The following KATNAL2 variants were observed in gnomAD, a reference collection of about 807,000 sequenced individuals.
The protein encoded by KATNAL2 is katanin p60 ATPase-containing subunit A-like 2.
KATNAL2 carries 52 observed loss-of-function variants against 76.3 expected under a neutral mutation model. That is an observed-to-expected ratio of 0.68 (90% CI 0.55 to 0.86). The LOEUF is 0.86. Ranked by LOEUF, KATNAL2 falls within the 40% of genes least tolerant of loss-of-function variation. The probability of loss-of-function intolerance (pLI) is 0.00; values close to 1 mark genes in which losing one functional copy is unlikely to be tolerated. For missense variants in KATNAL2, 660 were observed against 668.9 expected (o/e 0.99, Z 0.15); for synonymous variants, 243 against 244.2 (o/e 1.00, Z 0.05).
At chr18:47,069,360 C>A in intron 12 of KATNAL2, 77 bp downstream of exon 12, 3 of 1,390,214 alleles carry the variant, frequency 2.2e-6, no homozygotes, top group Non-Finnish European at 3.0e-6. Flanking sequence ...GTCCTCACTT[C>A]AGGACTGGGG....
chr18:47,045,524 T>C (rs1302620341), intron 3 of KATNAL2, among the ~76,000 whole-genome samples: 3 of 152,158 alleles, frequency 2.0e-5, no homozygotes, highest in Non-Finnish European at 4.4e-5. Flanking sequence ...GGTTTTCCCA[T>C]GTTGGCCAGG....
rs148801658 is a variant in KATNAL2 at position 46,952,937 on chromosome 18, G to A, written c.51+6014G>A. ...TGAGGCGGAGTCTCGCTCTGTTGCCGAGGCTGGAGTACAGTGGCACGATCT... is the reference window on the plus strand; with the variant it reads ...TGAGGCGGAGTCTCGCTCTGTTGCCAAGGCTGGAGTACAGTGGCACGATCT... On this transcript the variant is annotated intron_variant, in intron 3 of 17. Transcript: ENST00000683218. 6.8e-3 allele frequency among the ~76,000 whole-genome samples: 851 copies of A among 124,882 alleles called. 8 individuals carry two copies. Among genetic ancestry groups the A allele is most frequent in the African/African-American group, 0.024 (799 of 33,628 alleles). The allele number at this position is 124,882 out of a possible 152,430, so 81.9% of individuals were successfully genotyped here.
At chr18:46,945,318 C>T (rs1196827589) in intron 1 of KATNAL2, among the ~76,000 whole-genome samples, 3 of 152,246 alleles carry the variant, frequency 2.0e-5, no homozygotes, top group Non-Finnish European at 4.4e-5. Flanking sequence ...GCCTAAGCTT[C>T]GCCTAGGTTA....
At chr18:47,067,393 A>G (rs1185411608) in intron 11 of KATNAL2, among the ~76,000 whole-genome samples, 1 of 152,202 alleles carries the variant, frequency 6.6e-6, no homozygotes, top group Non-Finnish European at 1.5e-5. Flanking sequence ...TGTCAGATTG[A>G]TTCAAATTAG....
intron 15 of KATNAL2, among the ~76,000 whole-genome samples, chr18:47,083,033 C>T (rs1289397456): frequency 6.6e-6 from 1 of 152,156 alleles, no homozygotes; most frequent in East Asian, 1.9e-4. Flanking sequence ...GTTAATAATT[C>T]CTTCCCTGTT....
chr18:47,036,917 TG>T (rs2060797292), intron 3 of KATNAL2, among the ~76,000 whole-genome samples: 1 of 152,226 alleles, frequency 6.6e-6, no homozygotes, highest in Admixed American at 6.5e-5. Flanking sequence ...GGAAGTTTCC[TG>T]GCAGAGCCAG....
intron 3 of KATNAL2, among the ~76,000 whole-genome samples, chr18:47,039,920 G>A (rs1299680377): frequency 6.6e-6 from 1 of 152,186 alleles, no homozygotes; most frequent in Non-Finnish European, 1.5e-5. Flanking sequence ...CTAATATGGA[G>A]GGATATGGAC....
intron 13 of KATNAL2, among the ~76,000 whole-genome samples, chr18:47,074,613 A>G (rs562044579): frequency 6.6e-6 from 1 of 152,208 alleles, no homozygotes; most frequent in East Asian, 1.9e-4. Context: ...TTGTTTTTAT[A>G]TGTCTGTTCT....
intron 6 of KATNAL2, among the ~76,000 whole-genome samples, chr18:47,054,991 C>T (rs2147107873): frequency 6.6e-6 from 1 of 152,366 alleles, no homozygotes. Flanking sequence ...GCTCATCTTG[C>T]ATTCCTTTCT....
chr18:47,048,828 CTT>C (rs35366730), intron 4 of KATNAL2, among the ~76,000 whole-genome samples: 2 of 76,762 alleles, frequency 2.6e-5, no homozygotes, highest in East Asian at 4.3e-4. Flanking sequence ...AAGCCAGACT[CTT>C]TTTTTTTTTT....
chr18:46,924,877 G>T (rs1411478953), intron 1 of KATNAL2, among the ~76,000 whole-genome samples: 1 of 152,076 alleles, frequency 6.6e-6, no homozygotes, highest in African/African-American at 2.4e-5. Flanking sequence ...TCACGATTTG[G>T]CTGTCTGTGT....
intron 3 of KATNAL2, chr18:47,034,505 A>G (rs765195317): frequency 1.2e-6 from 2 of 1,614,172 alleles, no homozygotes; most frequent in Admixed American, 1.7e-5. Flanking sequence ...CAGGCCCCGC[A>G]TGATTTCTCC....
intron 1 of KATNAL2, among the ~76,000 whole-genome samples, chr18:46,931,316 TAAATC>T (rs1424493921): frequency 6.7e-5 from 10 of 149,728 alleles, no homozygotes; most frequent in Non-Finnish European, 1.3e-4. Context: ...AAAAAAGAAA[TAAATC>T]AAAATAAAAT....
intron 3 of KATNAL2, chr18:47,033,342 C>A (rs1055792077): frequency 9.9e-6 from 16 of 1,613,852 alleles, no homozygotes; most frequent in African/African-American, 1.3e-5. Context: ...TGAAACAGAT[C>A]ATCTTTGCCT....
intron 3 of KATNAL2, among the ~76,000 whole-genome samples, chr18:46,956,434 A>G (rs2059749151): frequency 6.6e-6 from 1 of 152,106 alleles, no homozygotes; most frequent in African/African-American, 2.4e-5. Context: ...GGTCTCCTTG[A>G]TGAGCTGCTC....
chr18:46,948,616 T>C (rs2059454273), intron 3 of KATNAL2, among the ~76,000 whole-genome samples: 1 of 151,712 alleles, frequency 6.6e-6, no homozygotes, highest in Non-Finnish European at 1.5e-5. Flanking sequence ...TTAGTAGAGA[T>C]GGGGTTTCTC....
At chr18:47,090,484 C>G (rs2062952081) in intron 15 of KATNAL2, among the ~76,000 whole-genome samples, 1 of 152,048 alleles carries the variant, frequency 6.6e-6, no homozygotes, top group Non-Finnish European at 1.5e-5. Context: ...TCATATGGTC[C>G]ATAATCTTTG....
chr18:47,034,818 G>C (rs778714672), intron 3 of KATNAL2: 1 of 1,612,100 alleles, frequency 6.2e-7, no homozygotes. Context: ...CTCTGGGCTC[G>C]CGACTGTGAG....
chr18:46,950,845 C>T (rs1012014503), intron 3 of KATNAL2, among the ~76,000 whole-genome samples: 4 of 152,062 alleles, frequency 2.6e-5, no homozygotes, highest in South Asian at 2.1e-4. Context: ...CCACCACACC[C>T]GGCTAATTTT....
Sources: gnomAD v4.1 joint callset for allele counts (sites outside exome capture counted in the v4.1 genomes callset) on GRCh38, gnomAD v4.1.1 for gene constraint, MANE v1.5 for transcripts, NCBI Gene and HGNC (gene_info 2026-07-23, HGNC 2026-07-21) for gene names.